Variants in CCDC150 observed in about 807,000 individuals in gnomAD.
The protein encoded by CCDC150 is coiled-coil domain-containing protein 150.
CCDC150 carries 151 observed loss-of-function variants against 156.5 expected under a neutral mutation model. The ratio of observed to expected loss-of-function variants is 0.97; its 90% CI spans 0.85 to 1.10. The LOEUF is 1.10. Among genes scored for constraint, CCDC150 ranks in the 50% least tolerant of loss-of-function variants. The pLI is 0.00. For synonymous variants in CCDC150, 452 were observed against 429.4 expected (o/e 1.05, Z -0.65); for missense variants, 1,312 against 1,268.1 (o/e 1.03, Z -0.53).
intron 5 of CCDC150, among the ~76,000 whole-genome samples, chr2:196,663,451 A>G (rs887723331): frequency 2.0e-5 from 3 of 149,560 alleles, no homozygotes; most frequent in Non-Finnish European, 3.0e-5. Flanking sequence ...ATTTTAATAC[A>G]TAGTACTGAT....
chr2:196,657,145 C>T lies in CCDC150; in HGVS notation c.576+9C>T. 1.9e-6 allele frequency: 3 copies of T among 1,613,082 alleles called. No individual in the cohort carries two copies. Among genetic ancestry groups the T allele is most frequent in the Non-Finnish European group, 2.5e-6 (3 of 1,179,360 alleles). On this transcript the variant is annotated intron_variant, in intron 4 of 27. Transcript: ENST00000389175. ...TTGCCTCGCAGACAAAGGTTTGAGT[C>T]TAAGAGTTCTGAAGTATAAACACAC...
intron 12 of CCDC150, chr2:196,677,076 A>G (rs1694550308): frequency 2.9e-6 from 2 of 692,048 alleles, no homozygotes; most frequent in African/African-American, 1.8e-5. Flanking sequence ...GGAAGGAACC[A>G]GCAGAGTCTG....
At chr2:196,719,456 GA>G in intron 18 of CCDC150, 40 bp from the exon 19 acceptor site, 1 of 1,545,064 alleles carries the variant, frequency 6.5e-7, no homozygotes, top group Non-Finnish European at 8.7e-7. Flanking sequence ...AGAGTAACCA[GA>G]AAGGATCAAA....
chr2:196,731,093 A>G (rs1248337962), intron 26 of CCDC150, 148 bp downstream of exon 26: 1 of 560,044 alleles, frequency 1.8e-6, no homozygotes, highest in Non-Finnish European at 3.2e-6. Context: ...TGTAGTCTCT[A>G]TTGTAGAGAA....
chr2:196,671,601 TA>T (rs1323891711), intron 8 of CCDC150, among the ~76,000 whole-genome samples: 1 of 61,178 alleles, frequency 1.6e-5, no homozygotes, highest in Non-Finnish European at 3.3e-5. Flanking sequence ...CTAATTTTTG[TA>T]TTTTTTAGTA....
chr2:196,676,057 C>T (rs1694480696), intron 10 of CCDC150, 86 bp from the exon 11 acceptor site: 3 of 1,266,198 alleles, frequency 2.4e-6, no homozygotes, highest in South Asian at 1.4e-5. Context: ...TAAGTTAGTT[C>T]AGTGTTTTTG....
chr2:196,639,807 G>T (rs1442805891), intron 1 of CCDC150, 29 bp downstream of exon 1: 4 of 1,571,828 alleles, frequency 2.5e-6, no homozygotes, highest in East Asian at 2.3e-5. Context: ...GGGCTGGTGA[G>T]GGGTGGTCGG....
intron 15 of CCDC150, among the ~76,000 whole-genome samples, chr2:196,703,108 T>G (rs1417201841): frequency 6.6e-6 from 1 of 152,230 alleles, no homozygotes; most frequent in East Asian, 1.9e-4. Flanking sequence ...GCAGTTAAAT[T>G]GCAGCATGAG....
At chr2:196,664,985 G>A (rs7591388) in intron 5 of CCDC150, among the ~76,000 whole-genome samples, 152,338 of 152,340 alleles carry the variant, frequency 1, 76,168 homozygotes, top group Non-Finnish European at 1. Flanking sequence ...CTAAATTCCA[G>A]AATAGAATGA....
At chr2:196,713,423 T>A (rs1263477643) in intron 17 of CCDC150, 1 of 1,547,088 alleles carries the variant, frequency 6.5e-7, no homozygotes, top group African/African-American at 1.4e-5. Flanking sequence ...AATCTCTAGG[T>A]CCCATGTAAA....
rs1198033370 is a variant in CCDC150, at chr2:196,732,435, C to T, written c.3190-11C>T. ...GAACAGTCAGTGTTAGGTGTGTTTT[C>T]TTTCCAACAGGACCAAGATGTAAAA... On this transcript the variant is annotated splice_polypyrimidine_tract_variant and intron_variant, in intron 27 of 27. Transcript: ENST00000389175. 6.2e-7 allele frequency: 1 copy of T among 1,600,958 alleles called. No homozygotes were observed. Among genetic ancestry groups the T allele is most frequent in the South Asian group, 1.1e-5 (1 of 90,802 alleles).
At chr2:196,651,067 T>G (rs1178100753) in intron 2 of CCDC150, among the ~76,000 whole-genome samples, 1 of 152,210 alleles carries the variant, frequency 6.6e-6, no homozygotes, top group Non-Finnish European at 1.5e-5. Flanking sequence ...TTATCCAATG[T>G]GTTCTCATTT....
intron 20 of CCDC150, among the ~76,000 whole-genome samples, chr2:196,720,928 A>G (rs1016158371): frequency 2.6e-5 from 4 of 152,138 alleles, no homozygotes; most frequent in African/African-American, 9.7e-5. Flanking sequence ...TCATTTATTA[A>G]TGCACAAAAA....
intron 15 of CCDC150, among the ~76,000 whole-genome samples, chr2:196,702,229 A>G (rs1696259307): frequency 1.3e-5 from 2 of 152,106 alleles, no homozygotes; most frequent in Non-Finnish European, 2.9e-5. Context: ...TGCCTGGGTG[A>G]TAGAGTGAGA....
chr2:196,732,749 C>G lies in CCDC150; in HGVS notation c.*187C>G, dbSNP rs552552800. On this transcript the variant is annotated 3_prime_UTR_variant, in exon 28 of 28. Transcript: ENST00000389175. Reference sequence around the variant, plus strand: ...GTACAAAACTACCCCTTTTTTTGTCCCTTTTCACATTTTCCACCCAATAAA... The same window carrying G: ...GTACAAAACTACCCCTTTTTTTGTCGCTTTTCACATTTTCCACCCAATAAA... 1.6e-4 allele frequency: 64 copies of G among 402,846 alleles called. No individual in the cohort carries two copies. The highest frequency in any genetic ancestry group is 1.0e-3 in the African/African-American group (51 of 48,974). The allele number at this position is 402,846 out of a possible 1,614,324, so 25.0% of individuals were successfully genotyped here.
chr2:196,732,698 T>C lies in CCDC150; in HGVS notation c.*136T>C. On this transcript the variant is annotated 3_prime_UTR_variant, in exon 28 of 28. Coordinates refer to ENST00000389175, the MANE Select transcript of CCDC150 (RefSeq NM_001080539.2). ...TGGGCTGAAGATTTTGGACCTGAGT[T>C]TATCACTTTATGAACTCTTATATCA... is the stretch of plus-strand genomic sequence containing the variant. The C allele has an allele frequency of 1.6e-6, 1 of 629,554 alleles. No individual in the cohort carries two copies. Among genetic ancestry groups the C allele is most frequent in the East Asian group, 2.7e-5 (1 of 37,448 alleles). 39.0% of individuals were successfully genotyped at this position (629,554 alleles called of 1,614,324 possible).
intron 10 of CCDC150, among the ~76,000 whole-genome samples, chr2:196,675,740 TAGAG>T (rs1251705984): frequency 6.6e-6 from 1 of 152,178 alleles, no homozygotes; most frequent in Admixed American, 6.5e-5. Context: ...GAAGTGCAGA[TAGAG>T]AGGAAAGGAT....
At chr2:196,678,503 C>T (rs527615847) in intron 13 of CCDC150, among the ~76,000 whole-genome samples, 16 of 152,302 alleles carry the variant, frequency 1.1e-4, no homozygotes, top group South Asian at 6.2e-4. Context: ...GGCTGACTTC[C>T]TGTGGCAAGG....
intron 17 of CCDC150, among the ~76,000 whole-genome samples, chr2:196,715,210 A>G (rs1416913372): frequency 6.6e-6 from 1 of 152,112 alleles, no homozygotes; most frequent in African/African-American, 2.4e-5. Flanking sequence ...TCACTTACTG[A>G]AGTATTGCTG....
Sources: gnomAD v4.1 joint callset for allele counts (sites outside exome capture counted in the v4.1 genomes callset) on GRCh38, gnomAD v4.1.1 for gene constraint, MANE v1.5 for transcripts, NCBI Gene and HGNC (gene_info 2026-07-23, HGNC 2026-07-21) for gene names.